The following ANO10 variants were observed in gnomAD, a reference collection of about 807,000 sequenced individuals.
ANO10 encodes anoctamin-10.
In ANO10, 77 loss-of-function variants were observed where a neutral mutation model predicts 74.7. That is an observed-to-expected ratio of 1.03 (90% CI 0.86 to 1.25). ANO10 has a LOEUF of 1.25. ANO10 is among the 50% of genes most tolerant of loss of function. ANO10 has a pLI of 0.00. For synonymous variants in ANO10, 279 were observed against 284.9 expected, an observed-to-expected ratio of 0.98 and a Z score of 0.21; for missense variants, 721 against 778.1, an observed-to-expected ratio of 0.93 and a Z score of 0.87.
At chr3:43,388,956 T>C (rs1221214731) in intron 12 of ANO10, among the ~76,000 whole-genome samples, 1 of 152,260 alleles carries the variant, frequency 6.6e-6, no homozygotes, top group Admixed American at 6.5e-5. Context: ...CTTCTTTCTC[T>C]GTTCCCATCA....
chr3:43,462,094 G>A (rs1559569679), intron 11 of ANO10, among the ~76,000 whole-genome samples: 1 of 152,188 alleles, frequency 6.6e-6, no homozygotes, highest in East Asian at 1.9e-4. Flanking sequence ...AGAGACTGGT[G>A]GCATTTTGCC....
At chr3:43,597,756 TATAATA>T (rs146754070) in intron 4 of ANO10, among the ~76,000 whole-genome samples, 2 of 151,856 alleles carry the variant, frequency 1.3e-5, no homozygotes, top group Non-Finnish European at 2.9e-5. Flanking sequence ...GAACTTAAAG[TATAATA>T]ATAATAAATA....
intron 1 of ANO10, among the ~76,000 whole-genome samples, chr3:43,646,796 C>T (rs72622905): frequency 0.027 from 4,178 of 152,264 alleles, 110 homozygotes; most frequent in South Asian, 0.12. Context: ...AGGTGTGAGC[C>T]ACCACACCTG....
intron 1 of ANO10, among the ~76,000 whole-genome samples, chr3:43,640,881 A>C (rs536642344): frequency 2.0e-4 from 31 of 152,338 alleles, no homozygotes; most frequent in African/African-American, 7.0e-4. Flanking sequence ...GCGAGTAAAC[A>C]GAGAATTTAA....
At chr3:43,375,952 A>G (rs141439009) in intron 12 of ANO10, among the ~76,000 whole-genome samples, 58 of 152,384 alleles carry the variant, frequency 3.8e-4, no homozygotes, top group Admixed American at 7.2e-4. Context: ...ATATTATCCA[A>G]CTTATTACCA....
intron 11 of ANO10, among the ~76,000 whole-genome samples, chr3:43,482,546 A>G (rs772223366): frequency 6.6e-6 from 1 of 152,024 alleles, no homozygotes; most frequent in East Asian, 1.9e-4. Context: ...ATGCCCCCCA[A>G]AACACCATAC....
Position 43,598,656 on chromosome 3 carries a change from A to G in ANO10, c.348T>C (p.Asp116=). ...QNFKGFDDNN[D]DFLTMAECQF... ...GACATTCTGCCATTGTCAGGAAATC[A>G]TCATTGTTATCTAAAATAAAACAGA... Residue 116 remains aspartate, a synonymous_variant, in exon 4 of 13, where the codon GAT becomes GAC. Transcript: ENST00000292246. 1 of 1,604,152 alleles carries G rather than the reference A, an allele frequency of 6.2e-7. No homozygotes were observed.
At chr3:43,686,028 G>A (rs781375150) in intron 1 of ANO10, among the ~76,000 whole-genome samples, 4 of 152,048 alleles carry the variant, frequency 2.6e-5, no homozygotes, top group Admixed American at 6.6e-5. Context: ...TTCAATTAAC[G>A]CTCATCAGTT....
chr3:43,539,875 G>A (rs994238699), intron 11 of ANO10, among the ~76,000 whole-genome samples: 1 of 152,152 alleles, frequency 6.6e-6, no homozygotes, highest in African/African-American at 2.4e-5. Context: ...CTCTTGCAGA[G>A]GGGTGAGACT....
rs1298485920 is a variant in ANO10 at position 43,691,145 on chromosome 3, G to A, written c.-12+372C>T. 25 of 1,165,204 alleles carry A rather than the reference G, an allele frequency of 2.1e-5. No individual in the cohort carries two copies. The East Asian group carries it at 6.4e-4, about 30-fold the overall frequency. 72.2% of individuals were successfully genotyped at this position (1,165,204 alleles called of 1,614,324 possible). A position where few individuals can be genotyped will look rare whatever the true frequency, so the allele number is the denominator to read the frequency against. Reference sequence around the variant, plus strand: ...ACCAAGGAGTCGCCGCCCGCCTGGCGACGACGGGCGGCTTCCTCGACCCTC... The same window carrying A: ...ACCAAGGAGTCGCCGCCCGCCTGGCAACGACGGGCGGCTTCCTCGACCCTC... On this transcript the variant is annotated intron_variant, in intron 1 of 3. Transcript: ENST00000413397.
chr3:43,634,015 A>AC (rs397949260), intron 1 of ANO10, among the ~76,000 whole-genome samples: 1 of 151,342 alleles, frequency 6.6e-6, no homozygotes, highest in Non-Finnish European at 1.5e-5. Context: ...AAAAAAAAAA[A>AC]TCTGCCACTA....
intron 11 of ANO10, among the ~76,000 whole-genome samples, chr3:43,448,352 T>C (rs2093279371): frequency 6.6e-6 from 1 of 152,132 alleles, no homozygotes; most frequent in South Asian, 2.1e-4. Flanking sequence ...CTTGCATCTC[T>C]TCCCTCCCCC....
intron 12 of ANO10, among the ~76,000 whole-genome samples, chr3:43,403,889 C>G (rs180674067): frequency 6.6e-6 from 1 of 152,202 alleles, no homozygotes; most frequent in East Asian, 1.9e-4. Flanking sequence ...CTGCTCCCCC[C>G]ACTACACAAT....
intron 11 of ANO10, among the ~76,000 whole-genome samples, chr3:43,437,857 G>C (rs1013187013): frequency 2.7e-5 from 4 of 149,964 alleles, no homozygotes; most frequent in African/African-American, 9.8e-5. Context: ...AAAAACAAAA[G>C]GGCATCTGAA....
chr3:43,523,402 ATCAGATTTCTGTT>A (rs530848333), intron 11 of ANO10, among the ~76,000 whole-genome samples: 258 of 152,334 alleles, frequency 1.7e-3, no homozygotes, highest in Middle Eastern at 3.4e-3. Flanking sequence ...AAGGAGTAAG[ATCAGATTTCTGTT>A]TCAGAATAAT....
At chr3:43,374,986 C>T (rs551269559) in intron 12 of ANO10, among the ~76,000 whole-genome samples, 44 of 151,688 alleles carry the variant, frequency 2.9e-4, no homozygotes, top group South Asian at 2.7e-3. Context: ...CTGGGCGTGG[C>T]GGCAGGCACC....
intron 11 of ANO10, among the ~76,000 whole-genome samples, chr3:43,459,804 A>C (rs1270911743): frequency 6.6e-6 from 1 of 152,200 alleles, no homozygotes; most frequent in Non-Finnish European, 1.5e-5. Context: ...TAGTTTTAAC[A>C]CTTCCACCAT....
chr3:43,665,007 C>G (rs1378288431), intron 1 of ANO10, among the ~76,000 whole-genome samples: 1 of 152,130 alleles, frequency 6.6e-6, no homozygotes, highest in South Asian at 2.1e-4. Context: ...TCATGTGAAC[C>G]AGCAATCCCA....
chr3:43,607,907 A>G (rs944669845), intron 1 of ANO10, among the ~76,000 whole-genome samples: 15 of 152,140 alleles, frequency 9.9e-5, no homozygotes, highest in Non-Finnish European at 2.1e-4. Context: ...AAAGATAAAA[A>G]CCATTGAATG....
Sources: allele counts gnomAD v4.1 joint callset (sites outside exome capture counted in the v4.1 genomes callset), GRCh38; gene constraint gnomAD v4.1.1; transcripts MANE v1.5; gene names NCBI Gene and HGNC (gene_info 2026-07-23, HGNC 2026-07-21).